Variants in TUNAR observed in about 807,000 individuals in gnomAD.
TUNAR encodes protein TUNAR.
At chr14:95,899,291 G>A (rs1889310757) in intron 2 of TUNAR, among the ~76,000 whole-genome samples, 1 of 152,106 alleles carries the variant, frequency 6.6e-6, no homozygotes, top group Non-Finnish European at 1.5e-5. Flanking sequence ...TTTGTCGAAG[G>A]TGAGGCCCCA....
At chr14:95,916,438 C>A (rs570910854) in intron 2 of TUNAR, among the ~76,000 whole-genome samples, 3 of 152,166 alleles carry the variant, frequency 2.0e-5, no homozygotes, top group Non-Finnish European at 4.4e-5. Flanking sequence ...TTCATCCATG[C>A]GATGGCACGT....
chr14:95,924,693 C>T (rs971487877), exon 3 of TUNAR: 1 of 152,228 alleles, frequency 6.6e-6, no homozygotes, highest in African/African-American at 2.4e-5. Context: ...GACTTTTTCA[C>T]TATCATGCAA....
intron 2 of TUNAR, among the ~76,000 whole-genome samples, chr14:95,908,396 T>C (rs545725047): frequency 2.6e-5 from 4 of 152,344 alleles, no homozygotes; most frequent in East Asian, 1.9e-4. Context: ...ATCACTCTGA[T>C]GGAGGCTCTT....
intron 2 of TUNAR, among the ~76,000 whole-genome samples, chr14:95,901,912 A>G (rs543202902): frequency 6.6e-6 from 1 of 152,336 alleles, no homozygotes; most frequent in East Asian, 1.9e-4. Flanking sequence ...GTATCTGAGC[A>G]ATCTGAATGC....
chr14:95,894,436 C>T (rs983538752), intron 2 of TUNAR, among the ~76,000 whole-genome samples: 2 of 152,190 alleles, frequency 1.3e-5, no homozygotes, highest in African/African-American at 4.8e-5. Flanking sequence ...GGCACCTTAA[C>T]CCAGGACAGC....
intron 2 of TUNAR, among the ~76,000 whole-genome samples, chr14:95,902,678 G>C (rs75622971): frequency 2.6e-5 from 4 of 152,246 alleles, no homozygotes; most frequent in South Asian, 4.1e-4. Flanking sequence ...GGGATGGGGT[G>C]GGGGAGCCTG....
At chr14:95,884,100 T>C (rs1335457612) in intron 2 of TUNAR, among the ~76,000 whole-genome samples, 1 of 152,124 alleles carries the variant, frequency 6.6e-6, no homozygotes, top group Non-Finnish European at 1.5e-5. Context: ...GCCAATCGAC[T>C]CTCTCTTCAC....
At chr14:95,879,859 C>T (rs72700920) in intron 2 of TUNAR, among the ~76,000 whole-genome samples, 314 of 152,254 alleles carry the variant, frequency 2.1e-3, no homozygotes, top group Non-Finnish European at 3.6e-3. Context: ...GAGACATTTC[C>T]CTTGTTTGCT....
At chr14:95,899,370 C>G (rs1019215274) in intron 2 of TUNAR, among the ~76,000 whole-genome samples, 1 of 152,218 alleles carries the variant, frequency 6.6e-6, no homozygotes, top group Admixed American at 6.5e-5. Flanking sequence ...GAACAGGAGA[C>G]CCTCAGCTCT....
At chr14:95,910,255 G>A (rs988024223) in intron 2 of TUNAR, among the ~76,000 whole-genome samples, 23 of 152,166 alleles carry the variant, frequency 1.5e-4, no homozygotes, top group African/African-American at 5.3e-4. Flanking sequence ...GGTGGCTCAC[G>A]CCTGTAATCC....
chr14:95,917,145 A>C (rs1889617811), intron 2 of TUNAR, among the ~76,000 whole-genome samples: 1 of 152,226 alleles, frequency 6.6e-6, no homozygotes, highest in South Asian at 2.1e-4. Flanking sequence ...CTCTACCCCA[A>C]GGTCATACAG....
chr14:95,904,164 G>C (rs978033433), intron 2 of TUNAR, among the ~76,000 whole-genome samples: 1 of 152,236 alleles, frequency 6.6e-6, no homozygotes, highest in African/African-American at 2.4e-5. Context: ...CATGGGTTCT[G>C]CTAGGTCCCT....
At chr14:95,908,987 C>T (rs1334391126) in intron 2 of TUNAR, among the ~76,000 whole-genome samples, 1 of 152,144 alleles carries the variant, frequency 6.6e-6, no homozygotes, top group Non-Finnish European at 1.5e-5. Context: ...GCACCACAGG[C>T]CTGCGTCTCA....
intron 2 of TUNAR, among the ~76,000 whole-genome samples, chr14:95,904,138 G>A (rs1027597234): frequency 7.9e-5 from 12 of 152,202 alleles, no homozygotes; most frequent in African/African-American, 2.9e-4. Context: ...GTATGTAATA[G>A]TTCACTCCCC....
intron 2 of TUNAR, among the ~76,000 whole-genome samples, chr14:95,912,256 A>G (rs909556706): frequency 1.3e-5 from 2 of 152,142 alleles, no homozygotes; most frequent in Admixed American, 6.5e-5. Context: ...CTTGCACTAT[A>G]TTGTACTTTG....
rs79854706 is a variant in TUNAR at position 95,907,212 on chromosome 14, A to G, written c.13-15569A>G. On this transcript the variant is annotated intron_variant, in intron 2 of 2. Transcript: ENST00000678517. Reference sequence around the variant, plus strand: ...GCCCTTCTCCTATATCTGAGCATTTAGGTTGCTTTTCGTATTTTTGCATTT... The same window carrying G: ...GCCCTTCTCCTATATCTGAGCATTTGGGTTGCTTTTCGTATTTTTGCATTT... Among the ~76,000 whole-genome samples the G allele has an allele frequency of 1.1e-3, 174 of 152,254 alleles. 1 individual carries two copies. The highest frequency in any genetic ancestry group is 3.7e-3 in the African/African-American group (155 of 41,528).
chr14:95,899,572 C>T (rs1042600003), intron 2 of TUNAR, among the ~76,000 whole-genome samples: 1 of 152,174 alleles, frequency 6.6e-6, no homozygotes, highest in Non-Finnish European at 1.5e-5. Context: ...AAACTACACA[C>T]ATTTATTTCT....
chr14:95,901,115 G>A (rs1889346369), intron 2 of TUNAR, among the ~76,000 whole-genome samples: 3 of 152,220 alleles, frequency 2.0e-5, no homozygotes, highest in African/African-American at 7.2e-5. Context: ...CCAGGCAACA[G>A]CTTCAGAAGG....
chr14:95,911,207 A>T (rs1470929487), intron 2 of TUNAR, among the ~76,000 whole-genome samples: 1 of 151,964 alleles, frequency 6.6e-6, no homozygotes, highest in African/African-American at 2.4e-5. Flanking sequence ...CGCCAGCCCT[A>T]CTCGATGTAG....
Sources: allele counts gnomAD v4.1 joint callset (sites outside exome capture counted in the v4.1 genomes callset), GRCh38; gene constraint gnomAD v4.1.1; transcripts MANE v1.5; gene names NCBI Gene and HGNC (gene_info 2026-07-23, HGNC 2026-07-21).